The following SOX6 variants were observed in gnomAD, a reference collection of about 807,000 sequenced individuals.
The protein encoded by SOX6 is SRY-box transcription factor 6, also known as transcription factor SOX-6.
A neutral mutation model predicts 97.8 loss-of-function variants in SOX6; 11 were observed. The observed-to-expected ratio is 0.11, with a 90% CI of 0.07 to 0.19. The LOEUF (loss-of-function observed/expected upper bound fraction) is 0.19. Ranked by LOEUF, SOX6 falls within the 10% of genes least tolerant of loss-of-function variation. The pLI is 1.00. For synonymous variants in SOX6, 360 were observed against 371.4 expected, an observed-to-expected ratio of 0.97 and a Z score of 0.35; for missense variants, 810 against 1,039.5, an observed-to-expected ratio of 0.78 and a Z score of 3.04.
At chr11:16,368,567 A>C (rs1257615179) in intron 1 of SOX6, among the ~76,000 whole-genome samples, 1 of 152,190 alleles carries the variant, frequency 6.6e-6, no homozygotes, top group African/African-American at 2.4e-5. Flanking sequence ...TATTTAAAAA[A>C]TGAAGTTTAA....
At chr11:16,388,020 T>C (rs1565125740) in intron 1 of SOX6, among the ~76,000 whole-genome samples, 1 of 152,126 alleles carries the variant, frequency 6.6e-6, no homozygotes, top group Admixed American at 6.5e-5. Context: ...TTGTTTCCTA[T>C]CTTGGGAAGA....
intron 4 of SOX6, among the ~76,000 whole-genome samples, chr11:16,200,492 T>A (rs145448954): frequency 3.3e-5 from 5 of 152,348 alleles, no homozygotes; most frequent in Admixed American, 3.3e-4. Flanking sequence ...GTTTTTAAAG[T>A]GCTCATTGAC....
chr11:16,531,922 C>T (rs1861242607), intron 4 of SOX6, among the ~76,000 whole-genome samples: 1 of 151,828 alleles, frequency 6.6e-6, no homozygotes, highest in African/African-American at 2.4e-5. Context: ...AATATTTCTT[C>T]TGATTTTTTG....
intron 6 of SOX6, among the ~76,000 whole-genome samples, chr11:16,144,712 T>C (rs554694366): frequency 6.6e-5 from 10 of 152,124 alleles, no homozygotes; most frequent in South Asian, 6.2e-4. Context: ...TCAGAGAATA[T>C]TATCAACAAC....
intron 1 of SOX6, among the ~76,000 whole-genome samples, chr11:16,371,107 G>T (rs752267958): frequency 6.6e-6 from 1 of 151,782 alleles, no homozygotes. Context: ...TATTTAACCC[G>T]GCCCCTGTCA....
chr11:16,063,671 T>C (rs1399211877), intron 9 of SOX6, among the ~76,000 whole-genome samples: 7 of 148,510 alleles, frequency 4.7e-5, no homozygotes, highest in Non-Finnish European at 1.0e-4. Flanking sequence ...TAACCAGTCA[T>C]CTAGTTTTCC....
intron 4 of SOX6, among the ~76,000 whole-genome samples, chr11:16,601,965 GC>G (rs903692435): frequency 2.0e-5 from 3 of 152,028 alleles, no homozygotes; most frequent in African/African-American, 7.2e-5. Context: ...CTGAAAAAAT[GC>G]CCAACAGACA....
chr11:16,132,341 A>G (rs1371710371), intron 6 of SOX6, among the ~76,000 whole-genome samples: 1 of 23,906 alleles, frequency 4.2e-5, no homozygotes, highest in African/African-American at 2.0e-4. Flanking sequence ...GAAAGAAAAA[A>G]GAAAGAAAGA....
chr11:16,101,101 C>G (rs956064362), intron 7 of SOX6, among the ~76,000 whole-genome samples: 2 of 151,618 alleles, frequency 1.3e-5, no homozygotes, highest in African/African-American at 4.8e-5. Context: ...CCTTTATGAG[C>G]TATAGCCATT....
chr11:16,196,805 G>C (rs1297328605), intron 4 of SOX6, among the ~76,000 whole-genome samples: 1 of 148,500 alleles, frequency 6.7e-6, no homozygotes, highest in Non-Finnish European at 1.5e-5. Context: ...TGATTTGACT[G>C]GTCCTCTGTC....
At chr11:16,672,360 G>C (rs1360426522) in intron 3 of SOX6, among the ~76,000 whole-genome samples, 1 of 152,144 alleles carries the variant, frequency 6.6e-6, no homozygotes, top group Non-Finnish European at 1.5e-5. Flanking sequence ...TGGAAAGCTG[G>C]ATAAAAACAC....
chr11:16,025,188 G>A (rs2133876579), intron 12 of SOX6, among the ~76,000 whole-genome samples: 1 of 152,240 alleles, frequency 6.6e-6, no homozygotes, highest in African/African-American at 2.4e-5. Flanking sequence ...GAGTTATAAA[G>A]TGTTCAGATT....
At chr11:16,402,804 C>A (rs1243372829) in intron 1 of SOX6, 1 of 1,577,798 alleles carries the variant, frequency 6.3e-7, no homozygotes, top group Non-Finnish European at 8.6e-7. Flanking sequence ...AACAACCTTT[C>A]ATGTCCTTGA....
chr11:15,975,550 A>G (rs1417654757), intron 15 of SOX6, among the ~76,000 whole-genome samples: 1 of 152,218 alleles, frequency 6.6e-6, no homozygotes, highest in African/African-American at 2.4e-5. Flanking sequence ...GAATATCTAT[A>G]TCAATAGGTC....
chr11:16,595,603 CAA>C (rs10712410), intron 4 of SOX6, among the ~76,000 whole-genome samples: 18,585 of 113,862 alleles, frequency 0.16, 1,537 homozygotes, highest in Middle Eastern at 0.33. Context: ...CCACCTCTAC[CAA>C]AAAAAAAAAA....
intron 15 of SOX6, among the ~76,000 whole-genome samples, chr11:15,974,378 C>CTTTTT (rs35597667): frequency 0.012 from 992 of 85,660 alleles, no homozygotes; most frequent in Middle Eastern, 0.021. Context: ...TTAGCTCTCT[C>CTTTTT]TTTTTTTTTT....
chr11:16,234,547 C>T, intron 4 of SOX6, 35 bp downstream of exon 4: 1 of 1,208,872 alleles, frequency 8.3e-7, no homozygotes, highest in Non-Finnish European at 1.2e-6. Context: ...CATCACATCA[C>T]TGCATTGACA....
intron 3 of SOX6, among the ~76,000 whole-genome samples, chr11:16,307,043 T>A (rs1402936942): frequency 6.6e-6 from 1 of 152,208 alleles, no homozygotes; most frequent in East Asian, 1.9e-4. Context: ...CCAAGTTATA[T>A]GTTTGCGCAA....
chr11:16,061,362 A>G (rs1831651298), intron 9 of SOX6, among the ~76,000 whole-genome samples: 1 of 151,608 alleles, frequency 6.6e-6, no homozygotes, highest in Non-Finnish European at 1.5e-5. Flanking sequence ...TACAAGGAAA[A>G]CTATAGAACA....
Sources: gnomAD v4.1 joint callset for allele counts (sites outside exome capture counted in the v4.1 genomes callset) on GRCh38, gnomAD v4.1.1 for gene constraint, MANE v1.5 for transcripts, NCBI Gene and HGNC (gene_info 2026-07-23, HGNC 2026-07-21) for gene names.